The following PCM1 variants were observed in gnomAD, a reference collection of about 807,000 sequenced individuals.
The protein encoded by PCM1 is pericentriolar material 1.
PCM1 carries 157 observed loss-of-function variants against 241.9 expected under a neutral mutation model. The observed-to-expected ratio is 0.65, with a 90% confidence interval of 0.57 to 0.74. The LOEUF (loss-of-function observed/expected upper bound fraction) is 0.74. Ranked by LOEUF, PCM1 falls within the 30% of genes least tolerant of loss-of-function variation. The probability of loss-of-function intolerance (pLI) is 0.00; values close to 1 mark genes in which losing one functional copy is unlikely to be tolerated. For synonymous variants in PCM1, 1,085 were observed against 784.9 expected, an observed-to-expected ratio of 1.38 and a Z score of -6.39; for missense variants, 3,478 against 2,360.1, an observed-to-expected ratio of 1.47 and a Z score of -9.81.
intron 29 of PCM1, 103 bp from the exon 30 acceptor site, chr8:18,006,160 A>T: frequency 1.1e-6 from 1 of 908,308 alleles, no homozygotes; most frequent in Non-Finnish European, 1.6e-6. Flanking sequence ...AGGAGCATCT[A>T]CGGCAAGAAA....
chr8:18,028,310 CATCATT>C lies in PCM1; in HGVS notation c.*654_*659del, dbSNP rs1170304748. On this transcript the variant is annotated 3_prime_UTR_variant, in exon 39 of 39. Coordinates refer to ENST00000325083, the MANE Select transcript of PCM1 (RefSeq NM_006197.4). ...ATAGGTTCTCAGTATCTAGAACTTA[CATCATT>C]ATCATCTGTTTGTTAGGATTTGAAA... The C allele has an allele frequency of 1.0e-5, 1 of 96,682 alleles. No individual in the cohort carries two copies. Among genetic ancestry groups the C allele is most frequent in the Non-Finnish European group, 2.1e-5 (1 of 48,492 alleles). The allele number at this position is 96,682 out of a possible 1,614,324, so 6.0% of individuals were successfully genotyped here. A position where few individuals can be genotyped will look rare whatever the true frequency, so the allele number is the denominator to read the frequency against.
chr8:18,006,489 A>G (rs1463745190), intron 30 of PCM1, 92 bp downstream of exon 30: 4 of 788,116 alleles, frequency 5.1e-6, no homozygotes, highest in Non-Finnish European at 8.5e-6. Context: ...TGCATTACAC[A>G]ATTTATTCTG....
intron 31 of PCM1, 130 bp downstream of exon 31, chr8:18,009,874 T>G: frequency 1.9e-6 from 1 of 529,980 alleles, no homozygotes; most frequent in East Asian, 3.2e-5. Context: ...TTAATCACAT[T>G]ATAAGTCATT....
chr8:17,929,393 C>G (rs928313237), intron 2 of PCM1, among the ~76,000 whole-genome samples: 8 of 152,190 alleles, frequency 5.3e-5, no homozygotes, highest in Non-Finnish European at 1.0e-4. Flanking sequence ...TATCGTCTCC[C>G]TGAGTCCTCT....
intron 18 of PCM1, 59 bp from the exon 19 acceptor site, chr8:17,965,940 T>A: frequency 8.3e-7 from 1 of 1,204,262 alleles, no homozygotes; most frequent in Non-Finnish European, 1.2e-6. Context: ...AGTTTATTGC[T>A]GTATTTTAAA....
chr8:17,965,677 A>G (rs142025774), intron 18 of PCM1, among the ~76,000 whole-genome samples: 1 of 152,372 alleles, frequency 6.6e-6, no homozygotes, highest in African/African-American at 2.4e-5. Context: ...ACTTGATGAA[A>G]TACTATGTGG....
intron 36 of PCM1, 74 bp from the exon 37 acceptor site, chr8:18,025,284 AAAT>A: frequency 1.2e-6 from 1 of 801,566 alleles, no homozygotes; most frequent in Non-Finnish European, 2.1e-6. Flanking sequence ...ATTACTGAGA[AAAT>A]AATTCACTAT....
At chr8:17,943,568 GT>G (rs1251113405) in intron 6 of PCM1, among the ~76,000 whole-genome samples, 2 of 151,946 alleles carry the variant, frequency 1.3e-5, no homozygotes, top group East Asian at 3.9e-4. Flanking sequence ...CCACTTTGCT[GT>G]TTTTAGGTTT....
chr8:18,013,542 C>T (rs2092773038), intron 34 of PCM1, among the ~76,000 whole-genome samples: 1 of 152,194 alleles, frequency 6.6e-6, no homozygotes, highest in Non-Finnish European at 1.5e-5. Context: ...CCTGCCCCAA[C>T]ATCATCATGT....
chr8:17,950,152 T>C (rs2065466610), intron 7 of PCM1, among the ~76,000 whole-genome samples: 1 of 152,182 alleles, frequency 6.6e-6, no homozygotes, highest in Non-Finnish European at 1.5e-5. Context: ...ACAAAAACTG[T>C]ATTTCCCACA....
intron 3 of PCM1, among the ~76,000 whole-genome samples, 189 bp downstream of exon 3, chr8:17,935,895 A>G (rs1219494217): frequency 1.3e-5 from 2 of 152,176 alleles, no homozygotes. Context: ...CCCAAAGCAG[A>G]TTTACTGTTA....
Position 18,011,200 on chromosome 8 carries a change from T to A in PCM1, c.5221-37T>A, listed in dbSNP as rs750313813. 8.0e-6 allele frequency: 12 copies of A among 1,508,594 alleles called. No homozygotes were observed. In the African/African-American group the frequency reaches 1.7e-4, roughly 21 times the overall value. 93.5% of individuals were successfully genotyped at this position (1,508,594 alleles called of 1,614,324 possible). On this transcript the variant is annotated intron_variant, in intron 32 of 38. Coordinates refer to ENST00000325083, the MANE Select transcript of PCM1 (RefSeq NM_006197.4). ...TACTATATACCTTTTACACATGTAC[T>A]TTAAGGAATTAATTACTCAAATATT... is the stretch of plus-strand genomic sequence containing the variant.
Position 17,939,822 on chromosome 8 carries a change from A to G in PCM1, c.744A>G (p.Glu248=), listed in dbSNP as rs1332511489. The change falls in exon 6 of 39, where the codon GAA becomes GAG. Residue 248 remains glutamate, a synonymous_variant. Transcript: ENST00000325083. ...CTCATCTAATAGATCACCTTAAAGAACAAGAGAAGTCATATATGAAATTTC... is the reference window on the plus strand; with the variant it reads ...CTCATCTAATAGATCACCTTAAAGAGCAAGAGAAGTCATATATGAAATTTC... ...RLTHLIDHLK[E]QEKSYMKFLK... is the part of the protein sequence containing the mutation. 6 of 1,521,576 alleles carry G rather than the reference A, an allele frequency of 3.9e-6. No individual in the cohort carries two copies. Among genetic ancestry groups the G allele is most frequent in the East Asian group, 2.4e-5 (1 of 41,948 alleles). The allele number at this position is 1,521,576 out of a possible 1,614,324, so 94.3% of individuals were successfully genotyped here. A position where few individuals can be genotyped will look rare whatever the true frequency, so the allele number is the denominator to read the frequency against.
At chr8:17,927,045 TG>T (rs1217251319) in intron 2 of PCM1, 2 of 152,006 alleles carry the variant, frequency 1.3e-5, no homozygotes, top group Admixed American at 1.3e-4. Context: ...AGGCATATCT[TG>T]GATATTTTCA....
chr8:17,940,116 A>G lies in PCM1; in HGVS notation c.783+255A>G, dbSNP rs376700579. On this transcript the variant is annotated intron_variant, in intron 6 of 38. Coordinates refer to ENST00000325083, the MANE Select transcript of PCM1 (RefSeq NM_006197.4). ...GATCTGGTTCTGTAGCTGAGAGCAC[A>G]TCGCTAAACATAGATGTGCAGTCTG... 1.8e-5 allele frequency: 29 copies of G among 1,570,508 alleles called. No individual in the cohort carries two copies. The African/African-American group carries it at 3.4e-4, about 18-fold the overall frequency.
chr8:18,022,214 C>G (rs1258404186), intron 36 of PCM1, among the ~76,000 whole-genome samples: 2 of 152,144 alleles, frequency 1.3e-5, no homozygotes, highest in Admixed American at 1.3e-4. Flanking sequence ...AAAGGGAAAG[C>G]CTTTCCCTAG....
chr8:17,939,369 T>TTATAAC (rs2061371030), intron 5 of PCM1, among the ~76,000 whole-genome samples: 1 of 116,246 alleles, frequency 8.6e-6, no homozygotes, highest in Admixed American at 8.3e-5. Context: ...TACATTTAAT[T>TTATAAC]AATTTATAAA....
chr8:17,946,504 C>CT (rs2063816933), intron 6 of PCM1, among the ~76,000 whole-genome samples: 1 of 136,266 alleles, frequency 7.3e-6, no homozygotes, highest in African/African-American at 2.7e-5. Flanking sequence ...TTCCTTTTTT[C>CT]TTTTTTCTTT....
At chr8:17,942,508 A>G (rs533282626) in intron 6 of PCM1, among the ~76,000 whole-genome samples, 37 of 152,108 alleles carry the variant, frequency 2.4e-4, no homozygotes, top group African/African-American at 8.7e-4. Context: ...AGTTTGTCAG[A>G]TTTTTTGGTT....
Sources: gnomAD v4.1 joint callset for allele counts (sites outside exome capture counted in the v4.1 genomes callset) on GRCh38, gnomAD v4.1.1 for gene constraint, MANE v1.5 for transcripts, NCBI Gene and HGNC (gene_info 2026-07-23, HGNC 2026-07-21) for gene names.